Variants in MCF2L observed in about 807,000 individuals in gnomAD.
MCF2L encodes guanine nucleotide exchange factor DBS.
A neutral mutation model predicts 153.4 loss-of-function variants in MCF2L; 97 were observed. The observed-to-expected ratio is 0.63, with a 90% confidence interval of 0.54 to 0.75. MCF2L has a LOEUF of 0.75. Ranked by LOEUF, MCF2L falls within the 30% of genes least tolerant of loss-of-function variation. MCF2L has a pLI of 0.00. For missense variants in MCF2L, 1,347 were observed against 1,495.2 expected, an observed-to-expected ratio of 0.90 and a Z score of 1.64; for synonymous variants, 659 against 632.2, an observed-to-expected ratio of 1.04 and a Z score of -0.64.
intron 13 of MCF2L, among the ~76,000 whole-genome samples, chr13:113,077,580 C>A (rs543401594): frequency 3.3e-4 from 50 of 152,312 alleles, no homozygotes; most frequent in African/African-American, 1.1e-3. Flanking sequence ...CAGCTCCAGC[C>A]TCTCCACGGT....
chr13:113,070,188 G>A lies in MCF2L; in HGVS notation c.996+15G>A, dbSNP rs546818832. On this transcript the variant is annotated intron_variant, in intron 9 of 29. Transcript: ENST00000535094. This position sits in a 1 kb window ranked among gnomAD's most constrained non-coding sequence, Gnocchi z 5.6. ...GCTTCCGGGAGGTGAGTGGCCCTGG[G>A]TGGAGCCGGCAGCCGCCCTGATGCT... 423 of 1,549,068 alleles carry A rather than the reference G, an allele frequency of 2.7e-4. 9 individuals are homozygous for A. The South Asian group carries it at 4.8e-3, about 18-fold the overall frequency.
intron 2 of MCF2L, among the ~76,000 whole-genome samples, chr13:112,944,699 G>A (rs1055195526): frequency 2.0e-5 from 3 of 151,926 alleles, no homozygotes; most frequent in African/African-American, 7.3e-5. Context: ...TGTTAGCCAG[G>A]ATGGTCTCGA....
intron 26 of MCF2L, 169 bp downstream of exon 26, chr13:113,089,897 G>GC (rs1253965985): frequency 6.2e-7 from 1 of 1,606,450 alleles, no homozygotes; most frequent in Admixed American, 1.7e-5. Context: ...CCACAGAAGA[G>GC]CCCCTCCCTC....
At chr13:113,038,357 C>T (rs771587830) in intron 3 of MCF2L, among the ~76,000 whole-genome samples, 3 of 151,062 alleles carry the variant, frequency 2.0e-5, no homozygotes, top group Non-Finnish European at 2.9e-5. Context: ...CCCAGCTACT[C>T]GGGAGGCTGA....
At position 113,094,591 on chromosome 13, in the gene MCF2L, T is replaced by A. The variant is rs774700714; in HGVS notation, c.3031T>A (p.Ser1011Thr). Residue 1011 changes from serine to threonine, a missense_variant, in exon 27 of 30, where the codon TCG (serine) becomes ACG (threonine). Around this residue, in one of 3 missense-constraint regions of MCF2L, gnomAD observed 383 missense variants for 335.4 expected, o/e 1.14. Coordinates refer to ENST00000535094, the MANE Select transcript of MCF2L (RefSeq NM_001112732.3). ...GWSSAEEQIN[S>T]SDAEEDGGLG... ...GTCAAGTGCAGAGGAGCAGATTAAC[T>A]CGTCCGACGCAGAGGAGGACGGCGG... The A allele has an allele frequency of 1.2e-6, 2 of 1,612,464 alleles. No individual in the cohort carries two copies. The highest frequency in any genetic ancestry group is 1.7e-6 in the Non-Finnish European group (2 of 1,179,698).
At chr13:113,078,169 C>T (rs1056994348) in intron 13 of MCF2L, among the ~76,000 whole-genome samples, 194 bp from the exon 14 acceptor site, 1 of 151,816 alleles carries the variant, frequency 6.6e-6, no homozygotes, top group Admixed American at 6.5e-5. Flanking sequence ...CACGCCACCA[C>T]CTGTGGCCCC....
At chr13:112,944,062 G>T (rs1427449462) in intron 2 of MCF2L, among the ~76,000 whole-genome samples, 1 of 146,596 alleles carries the variant, frequency 6.8e-6, no homozygotes, top group Non-Finnish European at 1.5e-5. Flanking sequence ...CCTGGCTGTG[G>T]GGGGAGCGTC....
rs187831233 is a variant in MCF2L, at chr13:112,896,537, G to A, written c.-5+2106G>A. On this transcript the variant is annotated intron_variant, in intron 1 of 29. Transcript: ENST00000375608. ...CCTGGGATTGGCAGAGGGCATGGAG[G>A]AGATGAGTCGTGTAGATAGACTGGC... Among the ~76,000 whole-genome samples, 119 of 152,312 alleles carry A rather than the reference G, an allele frequency of 7.8e-4. 1 individual carries two copies. The East Asian group carries it at 0.016, about 21-fold the overall frequency.
chr13:113,095,762 A>C, intron 27 of MCF2L: 1 of 996,694 alleles, frequency 1.0e-6, no homozygotes, highest in South Asian at 4.5e-5. Context: ...GAGGCTGTGA[A>C]TCTCCCCACT....
rs1017706216 is a variant in MCF2L, at chr13:113,070,756, C to T, written c.996+583C>T. 1.3e-5 allele frequency among the ~76,000 whole-genome samples: 2 copies of T among 152,208 alleles called. No homozygotes were observed. Among genetic ancestry groups the T allele is most frequent in the Non-Finnish European group, 2.9e-5 (2 of 68,040 alleles). ...TTTGTTTGCTCAGCACAGCTCTCTG[C>T]AGACCCCCAGGTGCCGGTGGCTCAC... On this transcript the variant is annotated intron_variant, in intron 9 of 29. Coordinates refer to ENST00000535094, the MANE Select transcript of MCF2L (RefSeq NM_001112732.3). This position sits in a 1 kb window ranked among gnomAD's most constrained non-coding sequence, Gnocchi z 5.6.
At chr13:112,986,849 C>T (rs1403531580) in intron 1 of MCF2L, among the ~76,000 whole-genome samples, 2 of 152,182 alleles carry the variant, frequency 1.3e-5, no homozygotes, top group Non-Finnish European at 2.9e-5. Context: ...GTACGCTGCA[C>T]TCTGCCAGGG....
chr13:112,900,002 A>G (rs1369699545), intron 1 of MCF2L, among the ~76,000 whole-genome samples: 1 of 152,162 alleles, frequency 6.6e-6, no homozygotes, highest in Non-Finnish European at 1.5e-5. Context: ...CCTGGTGTCT[A>G]CAGAGTCCAG....
rs1350205642 is a variant in MCF2L at position 112,983,753 on chromosome 13, C to T, written c.79+14295C>T. 6.6e-6 allele frequency among the ~76,000 whole-genome samples: 1 copy of T among 152,154 alleles called. No individual in the cohort carries two copies. Among genetic ancestry groups the T allele is most frequent in the Non-Finnish European group, 1.5e-5 (1 of 68,030 alleles). ...TGGTGTCTGCAGCCTCCTGGGCCTT[C>T]CCTTCTGCCTGGCTTCCTCCTCCTC... On this transcript the variant is annotated intron_variant, in intron 1 of 29. Coordinates refer to ENST00000535094, the MANE Select transcript of MCF2L (RefSeq NM_001112732.3). This position sits in a 1 kb window ranked among gnomAD's most constrained non-coding sequence, Gnocchi z 4.0.
At position 113,094,702 on chromosome 13, in the gene MCF2L, G is replaced by A. The variant is rs2142130966; in HGVS notation, c.3075+67G>A. ...CCTCCGGGGATTAGGGGTGCTTCTG[G>A]CAGGTCCACCCAGGCTTGGGTCTTA... On this transcript the variant is annotated intron_variant, in intron 27 of 29. Transcript: ENST00000535094. The A allele has an allele frequency of 3.2e-6, 5 of 1,548,758 alleles. 1 individual carries two copies. The highest frequency in any genetic ancestry group is 2.4e-4 in the Middle Eastern group (1 of 4,232).
At chr13:113,096,523 G>A in intron 28 of MCF2L, 27 bp from the exon 29 acceptor site, 1 of 1,586,914 alleles carries the variant, frequency 6.3e-7, no homozygotes. Flanking sequence ...CCCGCACGTG[G>A]CTGCCGCTGA....
intron 9 of MCF2L, among the ~76,000 whole-genome samples, chr13:113,071,329 C>T (rs925204712): frequency 2.6e-5 from 4 of 152,118 alleles, no homozygotes; most frequent in South Asian, 2.1e-4. Flanking sequence ...ATGTGGTTTG[C>T]GAATATTTTC....
In MCF2L at chr13:112,907,933, T is replaced by C. The variant is rs1350434306; in HGVS notation, c.169+5562T>C. Reference sequence around the variant, plus strand: ...ACGGCCTCTGAAGATGAACATGTTGTTTGTGGAAATGGTACTTGCAGTGTG... The same window carrying C: ...ACGGCCTCTGAAGATGAACATGTTGCTTGTGGAAATGGTACTTGCAGTGTG... On this transcript the variant is annotated intron_variant, in intron 2 of 29. Coordinates refer to the MCF2L transcript ENST00000375608. This position sits in a 1 kb window ranked among gnomAD's most constrained non-coding sequence, Gnocchi z 5.1. Among the ~76,000 whole-genome samples the C allele has an allele frequency of 6.6e-6, 1 of 152,198 alleles. No homozygotes were observed. Among genetic ancestry groups the C allele is most frequent in the Non-Finnish European group, 1.5e-5 (1 of 68,032 alleles).
intron 2 of MCF2L, among the ~76,000 whole-genome samples, chr13:112,914,589 G>C (rs144501623): frequency 1.3e-5 from 2 of 152,184 alleles, no homozygotes; most frequent in Non-Finnish European, 2.9e-5. Context: ...TCATGGGAGC[G>C]GCTCCCTGCA....
chr13:112,986,421 G>C (rs1439203825), intron 1 of MCF2L, among the ~76,000 whole-genome samples: 1 of 152,228 alleles, frequency 6.6e-6, no homozygotes, highest in Non-Finnish European at 1.5e-5. Flanking sequence ...CGGTGTGGGA[G>C]GACACAGCAG....
Sources: gnomAD v4.1 joint callset for allele counts (sites outside exome capture counted in the v4.1 genomes callset) on GRCh38, gnomAD v4.1.1 for gene constraint, gnomAD v4.1.1 regional missense constraint, Gnocchi (gnomAD v3.1) non-coding constraint, MANE v1.5 for transcripts, NCBI Gene and HGNC (gene_info 2026-07-23, HGNC 2026-07-21) for gene names.